The following FOXP1 variants were observed in gnomAD, a reference collection of about 807,000 sequenced individuals.
The protein encoded by FOXP1 is forkhead box P1.
FOXP1 carries 15 observed loss-of-function variants against 98.2 expected under a neutral mutation model. That is an observed-to-expected ratio of 0.15 (90% CI 0.10 to 0.24). FOXP1 has a LOEUF of 0.24. Among genes scored for constraint, FOXP1 ranks in the 10% least tolerant of loss-of-function variants. The pLI, the probability that FOXP1 is intolerant of heterozygous loss-of-function variation, is 1.00. For synonymous variants in FOXP1, 371 were observed against 314.5 expected, an observed-to-expected ratio of 1.18 and a Z score of -1.90; for missense variants, 633 against 848.5, an observed-to-expected ratio of 0.75 and a Z score of 3.15.
intron 5 of FOXP1, among the ~76,000 whole-genome samples, chr3:71,282,282 T>C (rs999833458): frequency 6.6e-6 from 1 of 152,110 alleles, no homozygotes; most frequent in Admixed American, 6.5e-5. Context: ...CTTAATTTTT[T>C]CTATTTTGGG....
At chr3:71,158,147 A>AGGAGGGAG (rs2060936574) in intron 6 of FOXP1, among the ~76,000 whole-genome samples, 1 of 20,770 alleles carries the variant, frequency 4.8e-5, no homozygotes, top group African/African-American at 1.3e-4. Context: ...GAGGCAGGGA[A>AGGAGGGAG]GGAGGGAGGG....
intron 11 of FOXP1, among the ~76,000 whole-genome samples, chr3:71,029,750 T>C (rs2046617209): frequency 6.6e-6 from 1 of 152,202 alleles, no homozygotes. Flanking sequence ...ACCATAGTTA[T>C]TAATAATACA....
intron 3 of FOXP1, among the ~76,000 whole-genome samples, chr3:71,390,153 T>C (rs2080923377): frequency 6.6e-6 from 1 of 152,236 alleles, no homozygotes; most frequent in Non-Finnish European, 1.5e-5. Context: ...CTCACTTTTC[T>C]ATCAGCAAGT....
chr3:71,568,552 TTAC>T (rs2047093244), intron 2 of FOXP1, among the ~76,000 whole-genome samples: 2 of 152,166 alleles, frequency 1.3e-5, no homozygotes, highest in South Asian at 4.1e-4. Context: ...CTTGAAATAC[TTAC>T]TACTTTTTAA....
chr3:71,583,905 C>G, upstream of FOXP1: 1 of 984,954 alleles, frequency 1.0e-6, no homozygotes, highest in South Asian at 4.6e-5. Context: ...CTCCGCTTCA[C>G]GCACCCCGCT....
chr3:71,484,766 G>A (rs1040569983), intron 3 of FOXP1, among the ~76,000 whole-genome samples: 4 of 152,090 alleles, frequency 2.6e-5, no homozygotes, highest in South Asian at 2.1e-4. Context: ...GTGTGGGCCC[G>A]AAAGTCTGTA....
At chr3:71,408,268 T>C (rs73837153) in intron 3 of FOXP1, among the ~76,000 whole-genome samples, 2,326 of 152,266 alleles carry the variant, frequency 0.015, 69 homozygotes, top group African/African-American at 0.054. Flanking sequence ...ATCAGTTTCA[T>C]TGTTTATTCT....
intron 4 of FOXP1, among the ~76,000 whole-genome samples, chr3:71,328,763 G>C (rs2076079506): frequency 6.6e-6 from 1 of 151,814 alleles, no homozygotes; most frequent in South Asian, 2.1e-4. Flanking sequence ...ACCGGAGGTT[G>C]GGAGTTCAAG....
intron 5 of FOXP1, among the ~76,000 whole-genome samples, chr3:71,207,106 T>A (rs914893066): frequency 1.3e-5 from 2 of 152,180 alleles, no homozygotes; most frequent in Non-Finnish European, 2.9e-5. Flanking sequence ...GTAATTAAAA[T>A]GCATTTTTAC....
chr3:71,328,225 T>G (rs2076040501), intron 4 of FOXP1, among the ~76,000 whole-genome samples: 1 of 151,826 alleles, frequency 6.6e-6, no homozygotes, highest in African/African-American at 2.4e-5. Context: ...GCCCAGGAGT[T>G]CAAGACCAGC....
At chr3:71,190,311 T>C (rs924151866) in intron 6 of FOXP1, among the ~76,000 whole-genome samples, 2 of 151,900 alleles carry the variant, frequency 1.3e-5, no homozygotes, top group Non-Finnish European at 2.9e-5. Context: ...GGAGGCTCAA[T>C]AAATAATAGT....
At chr3:70,972,461 T>C in intron 18 of FOXP1, 94 bp downstream of exon 18, 1 of 1,557,700 alleles carries the variant, frequency 6.4e-7, no homozygotes, top group Non-Finnish European at 8.9e-7. Context: ...AAACCAGTTC[T>C]TTGGTCTAAC....
intron 5 of FOXP1, among the ~76,000 whole-genome samples, chr3:71,284,485 C>A (rs1211441411): frequency 6.6e-6 from 1 of 152,002 alleles, no homozygotes; most frequent in East Asian, 1.9e-4. Context: ...ATCACTTGAG[C>A]CTGAGAGATC....
intron 19 of FOXP1, among the ~76,000 whole-genome samples, chr3:70,966,564 T>G (rs1437146228): frequency 6.6e-6 from 1 of 152,180 alleles, no homozygotes; most frequent in Admixed American, 6.5e-5. Context: ...GATTATAGAA[T>G]TGGAATCAAT....
chr3:71,327,777 T>C (rs185807647), intron 4 of FOXP1, among the ~76,000 whole-genome samples: 184 of 152,324 alleles, frequency 1.2e-3, no homozygotes, highest in Admixed American at 3.8e-3. Flanking sequence ...CAAACCTGTA[T>C]GTTTACTGAT....
intron 8 of FOXP1, 55 bp from the exon 9 acceptor site, chr3:71,052,681 C>T: frequency 2.3e-6 from 2 of 862,678 alleles, no homozygotes; most frequent in Non-Finnish European, 2.0e-6. Flanking sequence ...ATCCACTGTC[C>T]CTTTTGGTGC....
intron 7 of FOXP1, among the ~76,000 whole-genome samples, chr3:71,090,008 G>A (rs2055617072): frequency 6.6e-6 from 1 of 152,148 alleles, no homozygotes; most frequent in African/African-American, 2.4e-5. Flanking sequence ...CAGAAAATGA[G>A]ATTTTCATGG....
chr3:71,129,680 G>C (rs1484651988), intron 6 of FOXP1, among the ~76,000 whole-genome samples: 2 of 152,084 alleles, frequency 1.3e-5, no homozygotes, highest in Non-Finnish European at 2.9e-5. Context: ...GGCAAAAGGA[G>C]TGACTACAGA....
intron 5 of FOXP1, among the ~76,000 whole-genome samples, chr3:71,221,028 T>A (rs751488714): frequency 2.0e-5 from 3 of 151,814 alleles, no homozygotes; most frequent in Non-Finnish European, 2.9e-5. Flanking sequence ...TCATCCAATC[T>A]CCACCCACTA....
Sources: allele counts gnomAD v4.1 joint callset (sites outside exome capture counted in the v4.1 genomes callset), GRCh38; gene constraint gnomAD v4.1.1; transcripts MANE v1.5; gene names NCBI Gene and HGNC (gene_info 2026-07-23, HGNC 2026-07-21).